ATP6V1D: variants seen among roughly 807,000 people sequenced by gnomAD.
ATP6V1D encodes the protein V-type proton ATPase subunit D.
A neutral mutation model predicts 39.4 loss-of-function variants in ATP6V1D; 20 were observed. The observed-to-expected ratio is 0.51, with a 90% CI of 0.36 to 0.74. ATP6V1D has a LOEUF of 0.74. ATP6V1D is among the 30% of genes least tolerant of loss of function. The probability of loss-of-function intolerance (pLI) is 0.00; values close to 1 mark genes in which losing one functional copy is unlikely to be tolerated. For synonymous variants in ATP6V1D, 100 were observed against 100.5 expected, an observed-to-expected ratio of 0.99 and a Z score of 0.03; for missense variants, 228 against 291.6, an observed-to-expected ratio of 0.78 and a Z score of 1.59.
Position 67,338,766 on chromosome 14 carries a change from T to G in ATP6V1D, c.603-4A>C. On this transcript the variant is annotated splice_region_variant and splice_polypyrimidine_tract_variant and intron_variant, in intron 8 of 8. Coordinates refer to ENST00000216442, the MANE Select transcript of ATP6V1D (RefSeq NM_015994.4). ...CTTCTCTTGTATTTTCTTTAACCTG[T>G]AAAATACAGGTGGGGGTGGATTTTT... 6.2e-7 allele frequency: 1 copy of G among 1,609,446 alleles called. No homozygotes were observed. Among genetic ancestry groups the G allele is most frequent in the Non-Finnish European group, 8.5e-7 (1 of 1,176,732 alleles).
rs745354556 is a variant in ATP6V1D, at chr14:67,343,362, T to G, written c.523+10A>C. The G allele has an allele frequency of 6.2e-7, 1 of 1,606,416 alleles. No individual in the cohort carries two copies. The highest frequency in any genetic ancestry group is 8.5e-7 in the Non-Finnish European group (1 of 1,173,410). On this transcript the variant is annotated intron_variant, in intron 7 of 8. Transcript: ENST00000216442. ...AAGTGACAAAGCACCTCACAGTACCTAATACTCACCATGTTCAATGGCATT... is the reference window on the plus strand; with the variant it reads ...AAGTGACAAAGCACCTCACAGTACCGAATACTCACCATGTTCAATGGCATT...
chr14:67,347,440 T>C lies in ATP6V1D; in HGVS notation c.321A>G (p.Pro107=). 1.9e-6 allele frequency: 3 copies of C among 1,607,860 alleles called. No homozygotes were observed. The highest frequency in any genetic ancestry group is 2.6e-6 in the Non-Finnish European group (3 of 1,175,294). Residue 107 remains proline, a synonymous_variant, in exon 5 of 9, where the codon CCA becomes CCG. Coordinates refer to ENST00000216442, the MANE Select transcript of ATP6V1D (RefSeq NM_015994.4). ...KKDNVAGVTL[P]VFEHYHEGTD... ...TTCCTTCATGGTAATGTTCAAATACTGGCAAAGTAACACCTGTTAAACACA... is the reference window on the plus strand; with the variant it reads ...TTCCTTCATGGTAATGTTCAAATACCGGCAAAGTAACACCTGTTAAACACA...
At position 67,338,649 on chromosome 14, in the gene ATP6V1D, T is replaced by C; in HGVS notation, c.716A>G (p.Glu239Gly). Residue 239 changes from glutamate to glycine, a missense_variant, in exon 9 of 9, where the codon GAG becomes GGG. Physicochemically the swap from Glu to Gly is moderately conservative, Grantham distance 98. Coordinates refer to ENST00000216442, the MANE Select transcript of ATP6V1D (RefSeq NM_015994.4). ...VLEPANLLAEEKDEDLLFE is the reference protein window; with the variant it reads ...VLEPANLLAEGKDEDLLFE ...TTCAAATAGAAGATCCTCGTCCTTC[T>C]CTTCAGCCAGAAGATTAGCAGGCTC... 6.2e-7 allele frequency: 1 copy of C among 1,614,122 alleles called. No homozygotes were observed. Among genetic ancestry groups the C allele is most frequent in the Non-Finnish European group, 8.5e-7 (1 of 1,179,992 alleles).
intron 6 of ATP6V1D, among the ~76,000 whole-genome samples, chr14:67,344,904 CAAAA>C (rs928389704): frequency 6.7e-6 from 1 of 149,892 alleles, no homozygotes; most frequent in South Asian, 2.1e-4. Context: ...AACAAACAAA[CAAAA>C]AAAACAAGAG....
intron 1 of ATP6V1D, among the ~76,000 whole-genome samples, chr14:67,354,505 G>T (rs1476133129): frequency 6.6e-6 from 1 of 152,072 alleles, no homozygotes; most frequent in African/African-American, 2.4e-5. Flanking sequence ...ACACGTGCAA[G>T]GTTTAAAAGA....
rs553719129 is a variant in ATP6V1D at position 67,347,593 on chromosome 14, C to T, written c.308-140G>A. On this transcript the variant is annotated intron_variant, in intron 4 of 8. Coordinates refer to ENST00000216442, the MANE Select transcript of ATP6V1D (RefSeq NM_015994.4). ...CTCGCCTCACCGCAACCTCTGCCTC[C>T]CAGGTTCAAGCAATTCTCCTGGTCA... The T allele has an allele frequency of 1.5e-4, 99 of 679,216 alleles. No homozygotes were observed. In the African/African-American group the frequency reaches 1.7e-3, roughly 12 times the overall value. The allele number at this position is 679,216 out of a possible 1,614,324, so 42.1% of individuals were successfully genotyped here. A position where few individuals can be genotyped will look rare whatever the true frequency, so the allele number is the denominator to read the frequency against.
At chr14:67,352,226 C>T (rs1038994615) in intron 2 of ATP6V1D, among the ~76,000 whole-genome samples, 1 of 151,902 alleles carries the variant, frequency 6.6e-6, no homozygotes, top group Non-Finnish European at 1.5e-5. Flanking sequence ...TCAGCACTTT[C>T]GGAGGCCAAG....
Position 67,338,762 on chromosome 14 carries a change from C to T in ATP6V1D, c.603G>A (p.Arg201=), listed in dbSNP as rs756516338. The change falls in exon 9 of 9, where the codon AGG becomes AGA. Residue 201 remains arginine, a splice_region_variant and synonymous_variant. Coordinates refer to ENST00000216442, the MANE Select transcript of ATP6V1D (RefSeq NM_015994.4). ...LDEREREEFY[R]LKKIQEKKKI... ...TTTTCTTCTCTTGTATTTTCTTTAA[C>T]CTGTAAAATACAGGTGGGGGTGGAT... 6.2e-7 allele frequency: 1 copy of T among 1,610,580 alleles called. No individual in the cohort carries two copies. Among genetic ancestry groups the T allele is most frequent in the Non-Finnish European group, 8.5e-7 (1 of 1,177,460 alleles).
At chr14:67,341,427 T>A (rs2141092477) in intron 7 of ATP6V1D, among the ~76,000 whole-genome samples, 1 of 148,024 alleles carries the variant, frequency 6.8e-6, no homozygotes, top group East Asian at 2.0e-4. Context: ...GTGAGGAGCG[T>A]CTCCGCCCAG....
chr14:67,341,798 AAAG>A (rs1298692651), intron 7 of ATP6V1D, among the ~76,000 whole-genome samples: 1 of 152,240 alleles, frequency 6.6e-6, no homozygotes, highest in African/African-American at 2.4e-5. Context: ...GTCTGTGTAG[AAAG>A]AAGTAGACAT....
chr14:67,358,181 T>G (rs560013837), intron 1 of ATP6V1D, among the ~76,000 whole-genome samples: 6 of 152,158 alleles, frequency 3.9e-5, no homozygotes, highest in Non-Finnish European at 8.8e-5. Context: ...TGTCTTTCAG[T>G]GCAGAAGTTT....
intron 1 of ATP6V1D, among the ~76,000 whole-genome samples, chr14:67,355,666 A>G (rs908056800): frequency 4.6e-5 from 7 of 151,944 alleles, no homozygotes; most frequent in African/African-American, 7.3e-5. Context: ...TCAGGCAGGA[A>G]AAAGAGCTAA....
intron 3 of ATP6V1D, 31 bp downstream of exon 3, chr14:67,350,580 T>G (rs1031724960): frequency 1.3e-6 from 2 of 1,576,174 alleles, no homozygotes; most frequent in East Asian, 4.5e-5. Context: ...CACTTTGTTT[T>G]GCTTCAAAAC....
rs1431242742 is a variant in ATP6V1D, at chr14:67,338,380, G to A, written c.*241C>T. 2 of 434,110 alleles carry A rather than the reference G, an allele frequency of 4.6e-6. No individual in the cohort carries two copies. Among genetic ancestry groups the A allele is most frequent in the East Asian group, 7.6e-5 (2 of 26,260 alleles). The allele number at this position is 434,110 out of a possible 1,614,324, so 26.9% of individuals were successfully genotyped here. A position where few individuals can be genotyped will look rare whatever the true frequency, so the allele number is the denominator to read the frequency against. ...ACAGATGTAAATGGAGTATGATAAC[G>A]CTTCTGCAAAGTAAATTCTGTAAGT... On this transcript the variant is annotated 3_prime_UTR_variant, in exon 9 of 9. Transcript: ENST00000216442.
Position 67,347,512 on chromosome 14 carries a change from TTTTTC to T in ATP6V1D, c.308-64_308-60del, listed in dbSNP as rs2085627768. 6.1e-6 allele frequency: 9 copies of T among 1,475,208 alleles called. No individual in the cohort carries two copies. In the Admixed American group the frequency reaches 7.8e-5, roughly 13 times the overall value. The allele number at this position is 1,475,208 out of a possible 1,614,324, so 91.4% of individuals were successfully genotyped here. A position where few individuals can be genotyped will look rare whatever the true frequency, so the allele number is the denominator to read the frequency against. On this transcript the variant is annotated intron_variant, in intron 4 of 8. Coordinates refer to ENST00000216442, the MANE Select transcript of ATP6V1D (RefSeq NM_015994.4). ...ACCTTTAAGTTCTCTCTTTTTTTTTTTTTTCTGAGACGGAGTTTTGCTCTTGTCGC... is the reference window on the plus strand; with the variant it reads ...ACCTTTAAGTTCTCTCTTTTTTTTTTTGAGACGGAGTTTTGCTCTTGTCGC...
chr14:67,348,307 C>T (rs886619013), intron 4 of ATP6V1D, among the ~76,000 whole-genome samples: 4 of 151,898 alleles, frequency 2.6e-5, no homozygotes, highest in African/African-American at 4.8e-5. Flanking sequence ...CGACCTCAGG[C>T]GATCCGCCCA....
chr14:67,338,864 G>GA (rs998468773), intron 8 of ATP6V1D, 102 bp from the exon 9 acceptor site: 40 of 934,048 alleles, frequency 4.3e-5, no homozygotes, highest in African/African-American at 3.5e-4. Context: ...CACATACCTA[G>GA]AAAAAAACCT....
intron 1 of ATP6V1D, among the ~76,000 whole-genome samples, chr14:67,355,990 C>T (rs1007609389): frequency 1.3e-5 from 2 of 151,966 alleles, no homozygotes; most frequent in African/African-American, 4.8e-5. Flanking sequence ...GAGCAAGACT[C>T]GGTCTCAAAA....
At chr14:67,358,554 G>C (rs1320935271) in intron 1 of ATP6V1D, among the ~76,000 whole-genome samples, 1 of 152,124 alleles carries the variant, frequency 6.6e-6, no homozygotes, top group Admixed American at 6.5e-5. Flanking sequence ...AAAAGGGAAA[G>C]CCAGGCGCGG....
Sources: gnomAD v4.1 joint callset for allele counts (sites outside exome capture counted in the v4.1 genomes callset) on GRCh38, gnomAD v4.1.1 for gene constraint, MANE v1.5 for transcripts, NCBI Gene and HGNC (gene_info 2026-07-23, HGNC 2026-07-21) for gene names.